The following PCDHA10 variants were observed in gnomAD, a reference collection of about 807,000 sequenced individuals.
The protein encoded by PCDHA10 is protocadherin alpha 10.
Under a neutral mutation model 61.2 loss-of-function variants are expected in PCDHA10, and 45 were observed. The observed-to-expected ratio is 0.74, with a 90% confidence interval of 0.58 to 0.94. PCDHA10 has a LOEUF of 0.94. PCDHA10 is among the 40% of genes least tolerant of loss of function. The probability of loss-of-function intolerance (pLI) is 0.00; values close to 1 mark genes in which losing one functional copy is unlikely to be tolerated. For synonymous variants in PCDHA10, 602 were observed against 548.8 expected (o/e 1.10, Z -1.35); for missense variants, 1,278 against 1,236.2 (o/e 1.03, Z -0.51).
intron 3 of PCDHA10, among the ~76,000 whole-genome samples, chr5:141,005,079 T>TTAGTACTTTACA (rs1375552328): frequency 3.3e-5 from 5 of 152,356 alleles, no homozygotes; most frequent in Non-Finnish European, 7.3e-5. Flanking sequence ...AGGATCAAGC[T>TTAGTACTTTACA]TAGTACTTTA....
At chr5:140,863,243 C>G (rs868910592) in intron 1 of PCDHA10, 1 of 1,351,802 alleles carries the variant, frequency 7.4e-7, no homozygotes, top group Non-Finnish European at 1.0e-6. Context: ...CGGGCTTTGG[C>G]GGGCGTCGAG....
intron 3 of PCDHA10, among the ~76,000 whole-genome samples, chr5:140,986,633 C>T (rs566373023): frequency 5.9e-5 from 9 of 152,266 alleles, no homozygotes; most frequent in Admixed American, 3.3e-4. Context: ...GGCAACAGTA[C>T]ATTAGTTTTA....
chr5:140,876,774 G>A lies in PCDHA10; in HGVS notation c.2388+18338G>A, dbSNP rs370558767. 5.3e-5 allele frequency: 85 copies of A among 1,614,110 alleles called. No homozygotes were observed. The South Asian group carries it at 8.5e-4, about 16-fold the overall frequency. ...CTGCGCGGGATGGGGGCTCGCCTTC[G>A]CTGTGGGCCACGGCTAGAGTGTCCG... is the stretch of plus-strand genomic sequence containing the variant. On this transcript the variant is annotated intron_variant, in intron 1 of 3. Coordinates refer to ENST00000307360, the MANE Select transcript of PCDHA10 (RefSeq NM_018901.4).
chr5:140,890,096 C>T (rs967857035), intron 1 of PCDHA10, among the ~76,000 whole-genome samples: 1 of 152,124 alleles, frequency 6.6e-6, no homozygotes, highest in Non-Finnish European at 1.5e-5. Flanking sequence ...AAATTTATTC[C>T]CAACTCTGGA....
At chr5:140,946,857 G>T (rs2094041766) in intron 1 of PCDHA10, among the ~76,000 whole-genome samples, 1 of 151,296 alleles carries the variant, frequency 6.6e-6, no homozygotes, top group Non-Finnish European at 1.5e-5. Flanking sequence ...GAGAGATTGA[G>T]GAGAGGTTGG....
At position 140,946,611 on chromosome 5, in the gene PCDHA10, A is replaced by AATATATATATATATATAT. The variant is rs1554217734; in HGVS notation, c.2389-32334_2389-32317dup. Among the ~76,000 whole-genome samples, 487 of 86,718 alleles carry AATATATATATATATATAT rather than the reference A, an allele frequency of 5.6e-3. 17 individuals are homozygous for AATATATATATATATATAT. The highest frequency in any genetic ancestry group is 0.01 in the African/African-American group (158 of 15,660). 56.9% of individuals were successfully genotyped at this position (86,718 alleles called of 152,430 possible). The stretch of plus-strand genomic sequence containing the variant: ...GGATGAATAGATAAAGAAAATGTGA[A>AATATATATATATATATAT]ATATATATATATATATATATACAAT... On this transcript the variant is annotated intron_variant, in intron 1 of 3. Coordinates refer to ENST00000307360, the MANE Select transcript of PCDHA10 (RefSeq NM_018901.4).
Position 140,857,347 on chromosome 5 carries a change from G to T in PCDHA10, c.1299G>T (p.Pro433=), listed in dbSNP as rs781930086. 8.1e-6 allele frequency: 13 copies of T among 1,598,236 alleles called. No homozygotes were observed. The African/African-American group carries it at 1.1e-4, about 13-fold the overall frequency. Residue 433 remains proline (P), a synonymous_variant, in exon 1 of 4, where the codon CCG becomes CCT. Coordinates refer to ENST00000307360, the MANE Select transcript of PCDHA10 (RefSeq NM_018901.4). ...VVTARDGGSP[P]LWATASVSVE... The stretch of plus-strand genomic sequence containing the variant: ...CCGCGCGGGACGGGGGCTCGCCTCC[G>T]CTGTGGGCCACGGCCAGCGTGTCTG...
intron 1 of PCDHA10, among the ~76,000 whole-genome samples, chr5:140,940,230 T>C (rs1554213224): frequency 6.6e-6 from 1 of 152,212 alleles, no homozygotes; most frequent in Non-Finnish European, 1.5e-5. Flanking sequence ...TTCATTTTGG[T>C]ACATTAAAGT....
intron 1 of PCDHA10, among the ~76,000 whole-genome samples, chr5:140,972,133 C>T (rs532498360): frequency 2.0e-5 from 3 of 152,072 alleles, no homozygotes; most frequent in East Asian, 3.9e-4. Flanking sequence ...CAGTGAGTTA[C>T]TACTATTTTT....
At chr5:140,920,718 C>A (rs183020461) in intron 1 of PCDHA10, among the ~76,000 whole-genome samples, 3 of 152,168 alleles carry the variant, frequency 2.0e-5, no homozygotes, top group East Asian at 3.9e-4. Context: ...GTGGTGTGCG[C>A]CTGCAGTCCC....
At chr5:140,994,065 T>A (rs1563596985) in intron 3 of PCDHA10, among the ~76,000 whole-genome samples, 1 of 152,092 alleles carries the variant, frequency 6.6e-6, no homozygotes, top group Non-Finnish European at 1.5e-5. Context: ...ATAAATCTAA[T>A]GGTGAAGGGA....
chr5:140,856,933 C>A lies in PCDHA10; in HGVS notation c.885C>A (p.Asn295Lys), dbSNP rs1554149303. ...CGATAAGAAGGAAATTTTGGATAAA[C>A]GAAAGGACGGGAGAAATAAAAGTAA... is the stretch of plus-strand genomic sequence containing the variant. ...PPTIRRKFWI[N>K]ERTGEIKVND... is the part of the protein sequence containing the mutation. The change falls in exon 1 of 4, where the codon AAC (asparagine) becomes AAA (lysine). Residue 295 changes from asparagine to lysine, a missense_variant. Transcript: ENST00000307360. 3.1e-6 allele frequency: 5 copies of A among 1,593,874 alleles called. No homozygotes were observed. Among genetic ancestry groups the A allele is most frequent in the East Asian group, 4.5e-5 (2 of 44,850 alleles).
chr5:141,007,158 A>C (rs1231758700), intron 3 of PCDHA10, among the ~76,000 whole-genome samples: 1 of 152,198 alleles, frequency 6.6e-6, no homozygotes, highest in African/African-American at 2.4e-5. Context: ...CTGTCAAAGA[A>C]CAGTCAGAGA....
chr5:140,942,435 A>G (rs1258382123), intron 1 of PCDHA10, among the ~76,000 whole-genome samples: 2 of 152,114 alleles, frequency 1.3e-5, no homozygotes, highest in East Asian at 3.9e-4. Flanking sequence ...ATCTAACAAT[A>G]AACAAGTAAA....
chr5:140,927,073 C>T (rs782173390), intron 1 of PCDHA10: 11 of 1,611,108 alleles, frequency 6.8e-6, no homozygotes, highest in Middle Eastern at 1.7e-4. Context: ...CCTTTCCAGC[C>T]ACCGCGAGCT....
At position 140,858,274 on chromosome 5, in the gene PCDHA10, G is replaced by C. The variant is rs376781836; in HGVS notation, c.2226G>C (p.Ala742=). 1 of 1,597,298 alleles carries C rather than the reference G, an allele frequency of 6.3e-7. No homozygotes were observed. Among genetic ancestry groups the C allele is most frequent in the African/African-American group, 1.3e-5 (1 of 74,292 alleles). The change falls in exon 1 of 4, where the codon GCG becomes GCC. Residue 742 remains alanine, a synonymous_variant. Coordinates refer to ENST00000307360, the MANE Select transcript of PCDHA10 (RefSeq NM_018901.4). ...AGCCCACGCTGGTGTGCTCTAGCGCGGTGGGGAGCTGGTCTTACTCGCAGC... is the reference window on the plus strand; with the variant it reads ...AGCCCACGCTGGTGTGCTCTAGCGCCGTGGGGAGCTGGTCTTACTCGCAGC... ...PVKPTLVCSS[A]VGSWSYSQQR... is the part of the protein sequence containing the mutation.
chr5:140,872,165 C>CT (rs781807025), intron 1 of PCDHA10, among the ~76,000 whole-genome samples: 5,631 of 144,184 alleles, frequency 0.039, 139 homozygotes, highest in African/African-American at 0.065. Flanking sequence ...ATTTACTTTT[C>CT]TTTTTTTTTT....
Position 140,913,941 on chromosome 5 carries a change from C to T in PCDHA10, c.2388+55505C>T, listed in dbSNP as rs950871389. ...TACTTCATTGTGGTCAGAGAAGAAT[C>T]TTGATATGATATCATTTTTAAAAAA... On this transcript the variant is annotated intron_variant, in intron 1 of 3. Transcript: ENST00000307360. Among the ~76,000 whole-genome samples, 3 of 152,102 alleles carry T rather than the reference C, an allele frequency of 2.0e-5. No homozygotes were observed. In the East Asian group the frequency reaches 5.8e-4, roughly 29 times the overall value.
At chr5:140,907,377 C>T (rs2073348359) in intron 1 of PCDHA10, among the ~76,000 whole-genome samples, 1 of 152,124 alleles carries the variant, frequency 6.6e-6, no homozygotes, top group Non-Finnish European at 1.5e-5. Context: ...AAAGTGAGTG[C>T]CTTGGTCAAA....
Sources: allele counts gnomAD v4.1 joint callset (sites outside exome capture counted in the v4.1 genomes callset), GRCh38; gene constraint gnomAD v4.1.1; transcripts MANE v1.5; gene names NCBI Gene and HGNC (gene_info 2026-07-23, HGNC 2026-07-21).